DSC3: variants seen among roughly 807,000 people sequenced by gnomAD.
DSC3 encodes desmocollin-3.
A neutral mutation model predicts 89.5 loss-of-function variants in DSC3; 97 were observed. The ratio of observed to expected loss-of-function variants is 1.08; its 90% CI spans 0.92 to 1.28. DSC3 has a LOEUF of 1.28. Ranked by LOEUF, DSC3 falls within the 50% of genes most tolerant of loss-of-function variation. The probability of loss-of-function intolerance (pLI) is 0.00; values close to 1 mark genes in which losing one functional copy is unlikely to be tolerated. For missense variants in DSC3, 1,199 were observed against 1,085.3 expected (o/e 1.10, Z -1.47); for synonymous variants, 436 against 384.1 (o/e 1.14, Z -1.58).
rs1485954813 is a variant in DSC3 at position 30,993,511 on chromosome 18, C to A, written c.*664G>T. The A allele has an allele frequency of 1.3e-5, 2 of 152,222 alleles. No homozygotes were observed. Among genetic ancestry groups the A allele is most frequent in the Middle Eastern group, 3.1e-3 (1 of 320 alleles). The allele number at this position is 152,222 out of a possible 1,614,324, so 9.4% of individuals were successfully genotyped here. On this transcript the variant is annotated 3_prime_UTR_variant, in exon 16 of 16. Coordinates refer to ENST00000360428, the MANE Select transcript of DSC3 (RefSeq NM_001941.5). Reference sequence around the variant, plus strand: ...TTTTTCTATTGTAGGACAAACTATACCCCAGCCTCATTTCAAGTTTTTACC... The same window carrying A: ...TTTTTCTATTGTAGGACAAACTATAACCCAGCCTCATTTCAAGTTTTTACC...
At position 31,029,432 on chromosome 18, in the gene DSC3, T is replaced by C. The variant is rs930371656; in HGVS notation, c.474+77A>G. 10 of 1,551,554 alleles carry C rather than the reference T, an allele frequency of 6.4e-6. No homozygotes were observed. In the Admixed American group the frequency reaches 1.5e-4, roughly 23 times the overall value. ...AATCAGATCTGTTTATTTTTATATG[T>C]TTAAAGAGGTATTAAATCTCAATGA... is the stretch of plus-strand genomic sequence containing the variant. On this transcript the variant is annotated intron_variant, in intron 4 of 15. Coordinates refer to ENST00000360428, the MANE Select transcript of DSC3 (RefSeq NM_001941.5).
intron 3 of DSC3, 148 bp from the exon 4 acceptor site, chr18:31,029,776 C>A (rs1354091489): frequency 1.0e-5 from 10 of 969,268 alleles, no homozygotes; most frequent in East Asian, 2.5e-5. Context: ...TTAATAAAGT[C>A]TTTCTGCATT....
chr18:31,028,288 T>C (rs1985667540), intron 4 of DSC3, among the ~76,000 whole-genome samples: 1 of 152,010 alleles, frequency 6.6e-6, no homozygotes, highest in Non-Finnish European at 1.5e-5. Flanking sequence ...AGTGGAAAAC[T>C]AGACGAATGG....
At chr18:31,009,263 G>GTCAC (rs58793081) in intron 9 of DSC3, among the ~76,000 whole-genome samples, 4 of 151,670 alleles carry the variant, frequency 2.6e-5, no homozygotes, top group African/African-American at 9.7e-5. Flanking sequence ...TGCCATCTTA[G>GTCAC]GCTGGTCTCG....
At chr18:31,018,861 A>G (rs1985323984) in intron 7 of DSC3, 61 bp from the exon 8 acceptor site, 3 of 1,488,312 alleles carry the variant, frequency 2.0e-6, no homozygotes, top group South Asian at 2.3e-5. Flanking sequence ...TATAAATGAA[A>G]CCTCAATTGC....
intron 4 of DSC3, among the ~76,000 whole-genome samples, chr18:31,026,283 A>AGTAGGAGATGAAGTAG (rs149812801): frequency 0.23 from 34,189 of 151,920 alleles, 4,236 homozygotes; most frequent in Admixed American, 0.35. Flanking sequence ...AAAAGCATGG[A>AGTAGGAGATGAAGTAG]AAAAAGAAGT....
chr18:30,997,456 A>T (rs925073061), intron 14 of DSC3, among the ~76,000 whole-genome samples: 2 of 152,032 alleles, frequency 1.3e-5, no homozygotes, highest in African/African-American at 4.8e-5. Flanking sequence ...ATGATAATAA[A>T]CCCATTCTCA....
At chr18:31,026,013 A>C in intron 4 of DSC3, 98 bp from the exon 5 acceptor site, 2 of 1,177,566 alleles carry the variant, frequency 1.7e-6, no homozygotes, top group East Asian at 5.1e-5. Context: ...TAAAGAGATA[A>C]TTTCAAAAGA....
intron 7 of DSC3, among the ~76,000 whole-genome samples, chr18:31,019,411 A>G (rs531991371): frequency 6.6e-6 from 1 of 152,318 alleles, no homozygotes; most frequent in African/African-American, 2.4e-5. Flanking sequence ...TTTTAAAAAA[A>G]TATATCCTTA....
In DSC3 at chr18:31,004,150, AGT is replaced by A. The variant is rs1431271144; in HGVS notation, c.2103_2104del (p.Leu702AlafsTer17). The stretch of plus-strand genomic sequence containing the variant: ...AAAGTGAAAATACTTACAAAAGAGC[AGT>A]GCTATACCCAGTAATATTGCAAGGA... On this transcript the variant is annotated frameshift_variant, in exon 13 of 16. Transcript: ENST00000360428. LOFTEE classifies it high-confidence loss of function. 1 of 1,606,752 alleles carries A rather than the reference AGT, an allele frequency of 6.2e-7. No homozygotes were observed. Among genetic ancestry groups the A allele is most frequent in the East Asian group, 2.2e-5 (1 of 44,824 alleles).
chr18:31,018,875 C>T, intron 7 of DSC3, 75 bp from the exon 8 acceptor site: 1 of 1,295,414 alleles, frequency 7.7e-7, no homozygotes, highest in Non-Finnish European at 1.1e-6. Context: ...CAATTGCACA[C>T]TCACTCACTC....
chr18:31,013,298 T>C (rs1985131764), intron 9 of DSC3, among the ~76,000 whole-genome samples: 1 of 151,504 alleles, frequency 6.6e-6, no homozygotes, highest in East Asian at 2.0e-4. Context: ...TCACAATTGT[T>C]CTAGGATAAA....
chr18:30,999,174 AG>A (rs1402297809), intron 14 of DSC3, among the ~76,000 whole-genome samples: 2 of 152,196 alleles, frequency 1.3e-5, no homozygotes, highest in Non-Finnish European at 2.9e-5. Flanking sequence ...TTTCAGGACA[AG>A]AACCTCCATT....
chr18:30,995,247 C>T (rs1223457461), intron 15 of DSC3, among the ~76,000 whole-genome samples: 1 of 152,140 alleles, frequency 6.6e-6, no homozygotes, highest in African/African-American at 2.4e-5. Flanking sequence ...ACATTGTTAG[C>T]CTTACCTCCC....
At chr18:31,007,355 T>C (rs1170332229) in intron 11 of DSC3, among the ~76,000 whole-genome samples, 1 of 152,198 alleles carries the variant, frequency 6.6e-6, no homozygotes, top group East Asian at 1.9e-4. Context: ...ATAAATCTTT[T>C]ACCAGAATTA....
intron 3 of DSC3, 34 bp downstream of exon 3, chr18:31,030,939 A>AC (rs1435045991): frequency 1.9e-6 from 3 of 1,588,870 alleles, no homozygotes; most frequent in Non-Finnish European, 1.7e-6. Context: ...TTTAATGAAA[A>AC]AATGACTGAA....
At chr18:30,995,655 C>T (rs1399925493) in intron 15 of DSC3, among the ~76,000 whole-genome samples, 3 of 152,032 alleles carry the variant, frequency 2.0e-5, no homozygotes, top group African/African-American at 7.2e-5. Context: ...AGAACACAGC[C>T]ATTAGTTATG....
chr18:31,035,043 G>C (rs1985926477), intron 1 of DSC3, among the ~76,000 whole-genome samples: 1 of 152,108 alleles, frequency 6.6e-6, no homozygotes, highest in Admixed American at 6.5e-5. Flanking sequence ...GGCAGTGAAA[G>C]GCCTTGTCAA....
At chr18:31,014,273 T>C (rs1437362801) in intron 9 of DSC3, among the ~76,000 whole-genome samples, 2 of 152,036 alleles carry the variant, frequency 1.3e-5, no homozygotes, top group Non-Finnish European at 2.9e-5. Context: ...TCAAGAGATA[T>C]GTTAATTGAA....
Sources: allele counts gnomAD v4.1 joint callset (sites outside exome capture counted in the v4.1 genomes callset), GRCh38; gene constraint gnomAD v4.1.1; transcripts MANE v1.5; gene names NCBI Gene and HGNC (gene_info 2026-07-23, HGNC 2026-07-21).